Variants in SLMAP observed in about 807,000 individuals in gnomAD.
SLMAP encodes the protein sarcolemmal membrane-associated protein.
Under a neutral mutation model 128.8 loss-of-function variants are expected in SLMAP, and 44 were observed. The observed-to-expected ratio is 0.34, with a 90% CI of 0.27 to 0.44. The LOEUF (loss-of-function observed/expected upper bound fraction) is 0.44, where lower values mean the gene tolerates loss of function less well. SLMAP is among the 20% of genes least tolerant of loss of function. The pLI is 1.00. For synonymous variants in SLMAP, 327 were observed against 348.8 expected, an observed-to-expected ratio of 0.94 and a Z score of 0.70; for missense variants, 787 against 985.3, an observed-to-expected ratio of 0.80 and a Z score of 2.69.
At chr3:57,772,664 G>A (rs1388457097) in intron 2 of SLMAP, among the ~76,000 whole-genome samples, 1 of 151,652 alleles carries the variant, frequency 6.6e-6, no homozygotes, top group Admixed American at 6.6e-5. Flanking sequence ...TTTTGAGATG[G>A]AGTTTCACTC....
intron 2 of SLMAP, among the ~76,000 whole-genome samples, chr3:57,762,736 G>A (rs1479506737): frequency 9.8e-6 from 1 of 102,058 alleles, no homozygotes; most frequent in Non-Finnish European, 1.9e-5. Context: ...TTTTTTTTGA[G>A]CCGGAGTCTT....
intron 2 of SLMAP, among the ~76,000 whole-genome samples, chr3:57,824,763 A>G (rs191008583): frequency 6.6e-6 from 1 of 152,242 alleles, no homozygotes; most frequent in Admixed American, 6.5e-5. Flanking sequence ...GAATTTGAGG[A>G]TGGACTTTTC....
intron 17 of SLMAP, among the ~76,000 whole-genome samples, chr3:57,902,608 T>G (rs1318883219): frequency 6.6e-6 from 1 of 152,146 alleles, no homozygotes; most frequent in Admixed American, 6.6e-5. Flanking sequence ...AAATTTCAGA[T>G]AGCAAAAACC....
intron 2 of SLMAP, among the ~76,000 whole-genome samples, chr3:57,831,141 G>A (rs1325018631): frequency 1.3e-5 from 2 of 152,226 alleles, no homozygotes; most frequent in East Asian, 3.9e-4. Context: ...TTGAGGACCT[G>A]ACAAACTCTT....
intron 13 of SLMAP, among the ~76,000 whole-genome samples, chr3:57,866,913 C>T (rs1463892706): frequency 3.3e-5 from 5 of 152,098 alleles, no homozygotes; most frequent in Admixed American, 3.3e-4. Context: ...TGGCTCACAC[C>T]TGTAATCCCA....
intron 13 of SLMAP, among the ~76,000 whole-genome samples, chr3:57,867,400 T>G (rs1180322239): frequency 1.3e-5 from 2 of 152,218 alleles, no homozygotes; most frequent in Non-Finnish European, 2.9e-5. Context: ...TAGTAGACTG[T>G]TTTCATATTG....
intron 2 of SLMAP, among the ~76,000 whole-genome samples, chr3:57,765,915 AT>A (rs373654036): frequency 6.6e-6 from 1 of 150,552 alleles, no homozygotes; most frequent in African/African-American, 2.4e-5. Flanking sequence ...TACTTAAAGC[AT>A]TTTTTTTCCC....
intron 19 of SLMAP, among the ~76,000 whole-genome samples, chr3:57,909,443 A>G (rs559382834): frequency 6.7e-6 from 1 of 149,616 alleles, no homozygotes; most frequent in East Asian, 2.0e-4. Context: ...TGGAGGTTTC[A>G]GTGAGCTGGG....
intron 2 of SLMAP, among the ~76,000 whole-genome samples, chr3:57,816,607 G>A (rs902954354): frequency 2.6e-5 from 4 of 152,112 alleles, no homozygotes; most frequent in African/African-American, 9.7e-5. Context: ...TATGTGACTT[G>A]TGCCTTTTGG....
chr3:57,874,046 C>G (rs1309661758), intron 14 of SLMAP, among the ~76,000 whole-genome samples: 1 of 152,150 alleles, frequency 6.6e-6, no homozygotes, highest in East Asian at 1.9e-4. Flanking sequence ...TCACTTGAAC[C>G]TGGGAGACGG....
chr3:57,830,182 G>A (rs970611399), intron 2 of SLMAP, among the ~76,000 whole-genome samples: 3 of 152,038 alleles, frequency 2.0e-5, no homozygotes, highest in African/African-American at 2.4e-5. Context: ...TTACAGGCAC[G>A]TGCCACCACA....
intron 3 of SLMAP, among the ~76,000 whole-genome samples, chr3:57,833,201 T>C (rs1485390715): frequency 6.6e-6 from 1 of 152,230 alleles, no homozygotes; most frequent in African/African-American, 2.4e-5. Flanking sequence ...TTAGGTAAGA[T>C]AAGCAGGACT....
At chr3:57,883,835 G>C (rs1412506376) in intron 14 of SLMAP, among the ~76,000 whole-genome samples, 1 of 152,070 alleles carries the variant, frequency 6.6e-6, no homozygotes, top group African/African-American at 2.4e-5. Context: ...ATACCTGTCA[G>C]GTAGGGCAGG....
chr3:57,810,096 G>C (rs764644002), intron 2 of SLMAP, among the ~76,000 whole-genome samples: 3 of 152,132 alleles, frequency 2.0e-5, no homozygotes, highest in Admixed American at 2.0e-4. Flanking sequence ...GTTCCTGGAG[G>C]CTCCAAGCTT....
intron 22 of SLMAP, 123 bp downstream of exon 22, chr3:57,917,200 A>G: frequency 6.5e-7 from 1 of 1,543,474 alleles, no homozygotes; most frequent in Non-Finnish European, 8.8e-7. Flanking sequence ...CAAAATTGAT[A>G]CTTGGAACAT....
intron 6 of SLMAP, among the ~76,000 whole-genome samples, chr3:57,855,860 A>T (rs898705311): frequency 6.6e-6 from 1 of 151,990 alleles, no homozygotes; most frequent in Non-Finnish European, 1.5e-5. Flanking sequence ...CCTGTCCAAC[A>T]TGGTAAAACG....
intron 2 of SLMAP, among the ~76,000 whole-genome samples, chr3:57,776,522 C>CTCTCTCTCTT (rs571722815): frequency 2.2e-5 from 2 of 92,598 alleles, no homozygotes; most frequent in Non-Finnish European, 2.1e-5. Context: ...CTCTCTCTCT[C>CTCTCTCTCTT]TTTTTTTTTT....
At chr3:57,770,406 C>CT (rs1212452666) in intron 2 of SLMAP, among the ~76,000 whole-genome samples, 5 of 152,100 alleles carry the variant, frequency 3.3e-5, no homozygotes, top group African/African-American at 1.2e-4. Flanking sequence ...AAGAGCAATG[C>CT]ATTCTAGCTG....
intron 6 of SLMAP, among the ~76,000 whole-genome samples, chr3:57,853,065 G>A (rs1200579933): frequency 6.6e-6 from 1 of 152,134 alleles, no homozygotes; most frequent in African/African-American, 2.4e-5. Context: ...AACTCTAAAT[G>A]GAATTGAATT....
Sources: gnomAD v4.1 joint callset for allele counts (sites outside exome capture counted in the v4.1 genomes callset) on GRCh38, gnomAD v4.1.1 for gene constraint, MANE v1.5 for transcripts, NCBI Gene and HGNC (gene_info 2026-07-23, HGNC 2026-07-21) for gene names.